Variants in WDFY2 observed in about 807,000 individuals in gnomAD.
WDFY2 encodes WD repeat and FYVE domain-containing protein 2.
A neutral mutation model predicts 56.4 loss-of-function variants in WDFY2; 36 were observed. That is an observed-to-expected ratio of 0.64 (90% CI 0.49 to 0.84). The LOEUF is 0.84. WDFY2 is among the 40% of genes least tolerant of loss of function. WDFY2 has a pLI of 0.00. For missense variants in WDFY2, 444 were observed against 512.2 expected (o/e 0.87, Z 1.29); for synonymous variants, 176 against 183.7 (o/e 0.96, Z 0.34).
intron 7 of WDFY2, among the ~76,000 whole-genome samples, chr13:51,746,672 T>G (rs1488284288): frequency 6.6e-6 from 1 of 152,248 alleles, no homozygotes; most frequent in Non-Finnish European, 1.5e-5. Flanking sequence ...GAGTGAGAAT[T>G]GGGTATCATT....
At chr13:51,745,973 C>CTTTTTTT (rs59572351) in intron 7 of WDFY2, among the ~76,000 whole-genome samples, 354 of 100,688 alleles carry the variant, frequency 3.5e-3, no homozygotes, top group Non-Finnish European at 4.6e-3. Flanking sequence ...TTTTCTTTTT[C>CTTTTTTT]TTTTTTTTTT....
intron 1 of WDFY2, among the ~76,000 whole-genome samples, chr13:51,593,762 T>C (rs1365037052): frequency 6.6e-6 from 1 of 152,198 alleles, no homozygotes; most frequent in Non-Finnish European, 1.5e-5. Context: ...ACAATTTCTT[T>C]TACATATATT....
Position 51,766,504 on chromosome 13 carries a change from C to A in WDFY2, c.*6735C>A, listed in dbSNP as rs1402538677. On this transcript the variant is annotated 3_prime_UTR_variant, in exon 12 of 12. Coordinates refer to ENST00000298125, the MANE Select transcript of WDFY2 (RefSeq NM_052950.4). ...ATAAGCCTGACATTGGAACAGATTT[C>A]TCCCGTGTGGTCTAGCTGGACCCCT... is the stretch of plus-strand genomic sequence containing the variant. 1.3e-5 allele frequency: 2 copies of A among 152,210 alleles called. No homozygotes were observed. The highest frequency in any genetic ancestry group is 4.8e-5 in the African/African-American group (2 of 41,446). The allele number at this position is 152,210 out of a possible 1,614,324, so 9.4% of individuals were successfully genotyped here. A position where few individuals can be genotyped will look rare whatever the true frequency, so the allele number is the denominator to read the frequency against.
At chr13:51,604,828 A>C (rs1954355231) in intron 1 of WDFY2, among the ~76,000 whole-genome samples, 1 of 152,164 alleles carries the variant, frequency 6.6e-6, no homozygotes, top group African/African-American at 2.4e-5. Context: ...AAACTAAATG[A>C]TGGTGGTGCC....
At chr13:51,723,182 A>G (rs1157986240) in intron 5 of WDFY2, among the ~76,000 whole-genome samples, 1 of 152,210 alleles carries the variant, frequency 6.6e-6, no homozygotes, top group Non-Finnish European at 1.5e-5. Flanking sequence ...TTGCTGGAGT[A>G]TTTTAAAGCA....
chr13:51,660,573 G>C (rs1001098031), intron 1 of WDFY2, 23 bp from the exon 2 acceptor site: 34 of 1,604,100 alleles, frequency 2.1e-5, no homozygotes, highest in Non-Finnish European at 2.9e-5. Context: ...GTGATTTCAT[G>C]TACATATTTT....
chr13:51,653,590 T>C (rs1955448244), intron 1 of WDFY2, among the ~76,000 whole-genome samples: 1 of 152,236 alleles, frequency 6.6e-6, no homozygotes, highest in Non-Finnish European at 1.5e-5. Flanking sequence ...GGTGTGCATG[T>C]CCTTTCTGTT....
chr13:51,631,118 A>C (rs1954944026), intron 1 of WDFY2, among the ~76,000 whole-genome samples: 1 of 142,720 alleles, frequency 7.0e-6, no homozygotes, highest in South Asian at 2.6e-4. Context: ...CAAGCTGGGC[A>C]TGGTGGCTCA....
At chr13:51,756,499 G>T in intron 10 of WDFY2, 37 bp downstream of exon 10, 1 of 1,595,396 alleles carries the variant, frequency 6.3e-7, no homozygotes, top group South Asian at 1.1e-5. Context: ...TTCAGGTTAA[G>T]GCGAGAATTT....
At chr13:51,724,083 A>G (rs941010589) in intron 5 of WDFY2, among the ~76,000 whole-genome samples, 6 of 151,448 alleles carry the variant, frequency 4.0e-5, no homozygotes, top group African/African-American at 9.7e-5. Context: ...TTTGAGCACT[A>G]TTATGAAATC....
chr13:51,612,218 T>C (rs751571355), intron 1 of WDFY2, among the ~76,000 whole-genome samples: 1 of 152,172 alleles, frequency 6.6e-6, no homozygotes, highest in Non-Finnish European at 1.5e-5. Context: ...TGATTTCTAG[T>C]CTATGGCCTG....
chr13:51,699,951 G>T (rs1951949519), intron 3 of WDFY2, among the ~76,000 whole-genome samples: 1 of 152,102 alleles, frequency 6.6e-6, no homozygotes. Context: ...AATAAAGTTT[G>T]GCATATCCAT....
chr13:51,656,552 G>A (rs1232283043), intron 1 of WDFY2, among the ~76,000 whole-genome samples: 1 of 151,760 alleles, frequency 6.6e-6, no homozygotes, highest in Admixed American at 6.6e-5. Flanking sequence ...TTATATGTAT[G>A]GATGTTCTAT....
intron 1 of WDFY2, among the ~76,000 whole-genome samples, chr13:51,611,329 C>T (rs1028493039): frequency 1.3e-5 from 2 of 152,164 alleles, no homozygotes; most frequent in Non-Finnish European, 2.9e-5. Context: ...TTTTTCAAAA[C>T]CTCACATTTT....
intron 1 of WDFY2, among the ~76,000 whole-genome samples, chr13:51,649,140 C>T (rs1443812259): frequency 3.3e-5 from 5 of 152,096 alleles, no homozygotes; most frequent in African/African-American, 1.2e-4. Flanking sequence ...GAGTGAGACT[C>T]GGTCTCAAAA....
chr13:51,757,902 T>G (rs1327788322), intron 10 of WDFY2, among the ~76,000 whole-genome samples: 2 of 152,092 alleles, frequency 1.3e-5, no homozygotes, highest in African/African-American at 2.4e-5. Context: ...AAAAGCCCTG[T>G]GGTTTTAAAA....
At position 51,746,033 on chromosome 13, in the gene WDFY2, A is replaced by G. The variant is rs1401347473; in HGVS notation, c.726-5277A>G. Reference sequence around the variant, plus strand: ...GCTGTGTCCCCCAGGCTGGAGTGCAATGGTGTGATCTTGGCTCACTGCAAT... The same window carrying G: ...GCTGTGTCCCCCAGGCTGGAGTGCAGTGGTGTGATCTTGGCTCACTGCAAT... On this transcript the variant is annotated intron_variant, in intron 7 of 11. Transcript: ENST00000298125. Among the ~76,000 whole-genome samples the G allele has an allele frequency of 3.6e-5, 5 of 138,302 alleles. No homozygotes were observed. In the East Asian group the frequency reaches 6.3e-4, roughly 17 times the overall value. The allele number at this position is 138,302 out of a possible 152,430, so 90.7% of individuals were successfully genotyped here.
intron 1 of WDFY2, among the ~76,000 whole-genome samples, chr13:51,640,769 G>C (rs1466798935): frequency 1.3e-5 from 2 of 152,110 alleles, no homozygotes; most frequent in African/African-American, 4.8e-5. Context: ...AGAATCGCTT[G>C]AACCCAGGAG....
chr13:51,593,294 C>T (rs1019108527), intron 1 of WDFY2, among the ~76,000 whole-genome samples: 7 of 152,128 alleles, frequency 4.6e-5, no homozygotes, highest in Admixed American at 2.0e-4. Context: ...TACTGGTGAT[C>T]TAGTCAGTAC....
Sources: gnomAD v4.1 joint callset for allele counts (sites outside exome capture counted in the v4.1 genomes callset) on GRCh38, gnomAD v4.1.1 for gene constraint, MANE v1.5 for transcripts, NCBI Gene and HGNC (gene_info 2026-07-23, HGNC 2026-07-21) for gene names.